Variants in GOLIM4 observed in about 807,000 individuals in gnomAD.
GOLIM4 encodes 130 kDa golgi-localized phosphoprotein.
GOLIM4 carries 71 observed loss-of-function variants against 107.4 expected under a neutral mutation model. That is an observed-to-expected ratio of 0.66 (90% CI 0.55 to 0.81). The LOEUF (loss-of-function observed/expected upper bound fraction) is 0.81. Ranked by LOEUF, GOLIM4 falls within the 30% of genes least tolerant of loss-of-function variation. The probability of loss-of-function intolerance (pLI) is 0.00; values close to 1 mark genes in which losing one functional copy is unlikely to be tolerated. For synonymous variants in GOLIM4, 327 were observed against 294.8 expected (o/e 1.11, Z -1.12); for missense variants, 830 against 826.1 (o/e 1.00, Z -0.06).
chr3:168,083,214 T>C (rs977078193), intron 1 of GOLIM4, among the ~76,000 whole-genome samples: 6 of 152,194 alleles, frequency 3.9e-5, no homozygotes, highest in African/African-American at 1.4e-4. Context: ...ATGAACAAGT[T>C]GAAATTACCA....
intron 14 of GOLIM4, among the ~76,000 whole-genome samples, chr3:168,019,953 CAA>C (rs34547783): frequency 6.7e-6 from 1 of 150,076 alleles, no homozygotes; most frequent in African/African-American, 2.4e-5. Flanking sequence ...TTAGGGGTTA[CAA>C]AAAAAAATGG....
At position 168,095,457 on chromosome 3, in the gene GOLIM4, G is replaced by A. The variant is rs1405996558; in HGVS notation, c.-172C>T. 5.3e-6 allele frequency: 3 copies of A among 562,072 alleles called. No individual in the cohort carries two copies. Among genetic ancestry groups the A allele is most frequent in the Non-Finnish European group, 9.2e-6 (3 of 325,864 alleles). 34.8% of individuals were successfully genotyped at this position (562,072 alleles called of 1,614,324 possible). A position where few individuals can be genotyped will look rare whatever the true frequency, so the allele number is the denominator to read the frequency against. ...GTGGCGCCCGCTCAGCCCCCGCGCG[G>A]CGCGGGGCGCGCAGCCATCGACGCC... On this transcript the variant is annotated 5_prime_UTR_variant, in exon 1 of 16. Transcript: ENST00000470487.
At chr3:168,052,021 T>C (rs1577542529) in intron 1 of GOLIM4, among the ~76,000 whole-genome samples, 1 of 152,284 alleles carries the variant, frequency 6.6e-6, no homozygotes, top group Non-Finnish European at 1.5e-5. Context: ...GGTGCTAATA[T>C]AAGGGCTGAA....
chr3:168,056,009 A>T (rs1719944557), intron 1 of GOLIM4, among the ~76,000 whole-genome samples: 1 of 152,210 alleles, frequency 6.6e-6, no homozygotes, highest in Non-Finnish European at 1.5e-5. Context: ...AATTCGGAAA[A>T]TGTCTCCAGG....
chr3:168,055,660 G>A lies in GOLIM4; in HGVS notation c.188-7295C>T, dbSNP rs1449186657. ...AAAAATACAAAAAAAACATTAGCTG[G>A]GCGTGATGGCAGGTACCTGTAGTCC... On this transcript the variant is annotated intron_variant, in intron 1 of 15. Coordinates refer to ENST00000470487, the MANE Select transcript of GOLIM4 (RefSeq NM_014498.5). Among the ~76,000 whole-genome samples, 24 of 152,016 alleles carry A rather than the reference G, an allele frequency of 1.6e-4. 1 individual carries two copies. Among genetic ancestry groups the A allele is most frequent in the Admixed American group, 1.6e-3 (24 of 15,260 alleles).
At chr3:168,034,464 A>T (rs1203348194) in intron 8 of GOLIM4, among the ~76,000 whole-genome samples, 1 of 152,230 alleles carries the variant, frequency 6.6e-6, no homozygotes, top group Non-Finnish European at 1.5e-5. Context: ...AAAGAATAAG[A>T]GTCCATGAAG....
At chr3:168,033,348 G>A (rs955462983) in intron 8 of GOLIM4, among the ~76,000 whole-genome samples, 11 of 152,080 alleles carry the variant, frequency 7.2e-5, no homozygotes, top group Admixed American at 5.2e-4. Flanking sequence ...GCTCACGCCT[G>A]TAATCCCAGC....
chr3:168,029,650 C>G, intron 10 of GOLIM4, 130 bp downstream of exon 10: 1 of 960,802 alleles, frequency 1.0e-6, no homozygotes, highest in Non-Finnish European at 1.5e-6. Flanking sequence ...AAGTAGCTGT[C>G]CTGCCTTGGC....
At chr3:168,049,877 A>G (rs988988495) in intron 1 of GOLIM4, among the ~76,000 whole-genome samples, 1 of 152,116 alleles carries the variant, frequency 6.6e-6, no homozygotes, top group Non-Finnish European at 1.5e-5. Context: ...GTCATCCCAT[A>G]TAAAACTTCC....
chr3:168,016,259 G>T (rs1393251801), intron 14 of GOLIM4, among the ~76,000 whole-genome samples: 1 of 134,908 alleles, frequency 7.4e-6, no homozygotes, highest in East Asian at 2.0e-4. Flanking sequence ...CTCAAAAGAA[G>T]ACATTTATGC....
At chr3:168,048,391 C>G in intron 1 of GOLIM4, 26 bp from the exon 2 acceptor site, 1 of 1,131,840 alleles carries the variant, frequency 8.8e-7, no homozygotes, top group Non-Finnish European at 1.3e-6. Context: ...ACATTTTTGT[C>G]TTCAAAGAAT....
Position 168,036,520 on chromosome 3 carries a change from C to T in GOLIM4, c.843+316G>A, listed in dbSNP as rs530262501. ...TTGTGCCACTGCACTCCAGCCTGGA[C>T]GACGTAGCATGACACTGTCTCAGAG... On this transcript the variant is annotated intron_variant, in intron 8 of 15. Transcript: ENST00000470487. Among the ~76,000 whole-genome samples the T allele has an allele frequency of 5.8e-4, 88 of 152,064 alleles. 2 individuals carry two copies. The South Asian group carries it at 0.017, about 30-fold the overall frequency.
chr3:168,078,040 G>A (rs1454073850), intron 1 of GOLIM4, among the ~76,000 whole-genome samples: 3 of 151,472 alleles, frequency 2.0e-5, no homozygotes, highest in African/African-American at 7.3e-5. Context: ...ACTAGTATTG[G>A]GAGGTGAAAC....
intron 1 of GOLIM4, among the ~76,000 whole-genome samples, chr3:168,082,197 TGAA>T (rs1190093399): frequency 3.3e-5 from 5 of 152,168 alleles, no homozygotes; most frequent in Admixed American, 3.3e-4. Context: ...AGGACGTTCA[TGAA>T]CCACCCCCGC....
intron 1 of GOLIM4, among the ~76,000 whole-genome samples, chr3:168,093,481 C>A (rs1358903142): frequency 6.6e-6 from 1 of 152,214 alleles, no homozygotes; most frequent in Non-Finnish European, 1.5e-5. Flanking sequence ...AAGGCACACA[C>A]AACCTCATAT....
chr3:168,072,586 A>C (rs1720887479), intron 1 of GOLIM4, among the ~76,000 whole-genome samples: 1 of 152,146 alleles, frequency 6.6e-6, no homozygotes, highest in African/African-American at 2.4e-5. Flanking sequence ...CAGATGTAAA[A>C]ATGGGCCATA....
chr3:168,093,985 A>C (rs1318056969), intron 1 of GOLIM4, among the ~76,000 whole-genome samples: 1 of 152,234 alleles, frequency 6.6e-6, no homozygotes, highest in African/African-American at 2.4e-5. Context: ...TCTACCTAGC[A>C]ATATTAAACA....
In GOLIM4 at chr3:168,012,057, G is replaced by A. The variant is rs1717071195; in HGVS notation, c.1861-1234C>T. Reference sequence around the variant, plus strand: ...GCTGGATGGAGAATGACATTGACGAGCTGAGAGAAGGCTTCAGACGATCAA... The same window carrying A: ...GCTGGATGGAGAATGACATTGACGAACTGAGAGAAGGCTTCAGACGATCAA... On this transcript the variant is annotated intron_variant, in intron 14 of 15. Transcript: ENST00000470487. 3.1e-5 allele frequency among the ~76,000 whole-genome samples: 3 copies of A among 97,256 alleles called. No homozygotes were observed. The South Asian group carries it at 7.0e-4, about 23-fold the overall frequency. The allele number at this position is 97,256 out of a possible 152,430, so 63.8% of individuals were successfully genotyped here. A position where few individuals can be genotyped will look rare whatever the true frequency, so the allele number is the denominator to read the frequency against.
At chr3:168,040,562 A>T (rs527316449) in intron 7 of GOLIM4, among the ~76,000 whole-genome samples, 4 of 152,354 alleles carry the variant, frequency 2.6e-5, no homozygotes, top group African/African-American at 9.6e-5. Flanking sequence ...ACGAGAGTGG[A>T]AAGAAATGAT....
Sources: gnomAD v4.1 joint callset for allele counts (sites outside exome capture counted in the v4.1 genomes callset) on GRCh38, gnomAD v4.1.1 for gene constraint, MANE v1.5 for transcripts, NCBI Gene and HGNC (gene_info 2026-07-23, HGNC 2026-07-21) for gene names.